DRD3: variants seen among roughly 807,000 people sequenced by gnomAD.
DRD3 encodes the protein D(3) dopamine receptor.
DRD3 carries 19 observed loss-of-function variants against 36.3 expected under a neutral mutation model. The observed-to-expected ratio is 0.52, with a 90% CI of 0.36 to 0.77. The LOEUF (loss-of-function observed/expected upper bound fraction) is 0.77. DRD3 is among the 30% of genes least tolerant of loss of function. The pLI, the probability that DRD3 is intolerant of heterozygous loss-of-function variation, is 0.00. For missense variants in DRD3, 465 were observed against 505.3 expected, an observed-to-expected ratio of 0.92 and a Z score of 0.77; for synonymous variants, 195 against 203.7, an observed-to-expected ratio of 0.96 and a Z score of 0.36.
chr3:114,153,885 T>A (rs1467018483), intron 3 of DRD3, among the ~76,000 whole-genome samples: 2 of 152,188 alleles, frequency 1.3e-5, no homozygotes, highest in African/African-American at 4.8e-5. Context: ...TTAGCAATAA[T>A]GAATGAAGAG....
intron 2 of DRD3, among the ~76,000 whole-genome samples, chr3:114,163,711 G>A (rs941180254): frequency 1.3e-5 from 2 of 152,118 alleles, no homozygotes; most frequent in East Asian, 1.9e-4. Context: ...TTGCTTGGGC[G>A]GGTGTATTGA....
upstream of DRD3, among the ~76,000 whole-genome samples, chr3:114,181,629 G>A (rs754920243): frequency 5.9e-5 from 9 of 152,150 alleles, no homozygotes. Context: ...TCAATAGCAT[G>A]GCTGGAACAT....
chr3:114,139,411 TA>T, intron 5 of DRD3, 88 bp downstream of exon 5: 1 of 1,321,224 alleles, frequency 7.6e-7, no homozygotes, highest in Non-Finnish European at 1.0e-6. Flanking sequence ...CCAATTTAGC[TA>T]AACGGCAAAA....
upstream of DRD3, among the ~76,000 whole-genome samples, chr3:114,180,081 C>A (rs2077938064): frequency 6.6e-6 from 1 of 152,052 alleles, no homozygotes; most frequent in Non-Finnish European, 1.5e-5. Flanking sequence ...CAACCTAATT[C>A]TCTTAACCAC....
At chr3:114,165,814 C>T (rs1407771879) in intron 2 of DRD3, among the ~76,000 whole-genome samples, 1 of 151,836 alleles carries the variant, frequency 6.6e-6, no homozygotes, top group African/African-American at 2.4e-5. Context: ...CTTCATTTCT[C>T]CATCTATGAA....
At chr3:114,188,368 C>T (rs959567549) in intron 1 of DRD3, among the ~76,000 whole-genome samples, 1 of 152,064 alleles carries the variant, frequency 6.6e-6, no homozygotes, top group East Asian at 1.9e-4. Flanking sequence ...TGTGCCACAA[C>T]ACCCAGCTAA....
At chr3:114,160,251 T>C (rs568821418) in intron 2 of DRD3, among the ~76,000 whole-genome samples, 15 of 152,200 alleles carry the variant, frequency 9.9e-5, no homozygotes, top group Non-Finnish European at 1.9e-4. Flanking sequence ...TTTTTAAATT[T>C]ATTTTATTTT....
At chr3:114,179,573 G>A (rs138197238), upstream of DRD3, among the ~76,000 whole-genome samples, 1 of 152,236 alleles carries the variant, frequency 6.6e-6, no homozygotes, top group East Asian at 1.9e-4. Context: ...ATGCAACCAA[G>A]GACAATATCA....
At position 114,145,532 on chromosome 3, in the gene DRD3, C is replaced by T. The variant is rs77814644; in HGVS notation, c.526+1883G>A. ...GTTGGCTAGTTACCCTTTACTGTGG[C>T]AGAGAAACAAGCCAGCCTTGAGTAG... On this transcript the variant is annotated intron_variant, in intron 4 of 6. Transcript: ENST00000383673. 5.9e-5 allele frequency among the ~76,000 whole-genome samples: 9 copies of T among 152,306 alleles called. No homozygotes were observed. In the East Asian group the frequency reaches 1.7e-3, roughly 29 times the overall value.
chr3:114,197,277 ATTTTTTTTTT>A (rs58452737), intron 1 of DRD3, among the ~76,000 whole-genome samples: 2 of 89,368 alleles, frequency 2.2e-5, no homozygotes, highest in Non-Finnish European at 4.1e-5. Context: ...AATTAAAAAA[ATTTTTTTTTT>A]TTTTTTTTTT....
chr3:114,137,835 C>A (rs1414555320), intron 5 of DRD3, among the ~76,000 whole-genome samples: 9 of 141,468 alleles, frequency 6.4e-5, no homozygotes, highest in Middle Eastern at 3.6e-3. Context: ...ACTAAAAATA[C>A]AAAAAAAAAA....
At chr3:114,166,593 G>A (rs940321101) in intron 2 of DRD3, among the ~76,000 whole-genome samples, 3 of 152,138 alleles carry the variant, frequency 2.0e-5, no homozygotes, top group Non-Finnish European at 4.4e-5. Context: ...AGACTTCCAA[G>A]CCTCCAGAAC....
Position 114,178,663 on chromosome 3 carries a change from A to T in DRD3, c.-42T>A, listed in dbSNP as rs2077924632. 6.6e-6 allele frequency: 1 copy of T among 151,994 alleles called. No individual in the cohort carries two copies. Among genetic ancestry groups the T allele is most frequent in the Non-Finnish European group, 1.5e-5 (1 of 67,976 alleles). The allele number at this position is 151,994 out of a possible 1,614,324, so 9.4% of individuals were successfully genotyped here. A position where few individuals can be genotyped will look rare whatever the true frequency, so the allele number is the denominator to read the frequency against. ...GAAAAGAAAAATTACTTACCCTAAA[A>T]TTTTCTTCTGATTTCTGGAGACCGA... On this transcript the variant is annotated 5_prime_UTR_variant, in exon 1 of 7. Transcript: ENST00000383673.
chr3:114,154,154 T>TC (rs2077643450), intron 3 of DRD3, among the ~76,000 whole-genome samples: 1 of 152,182 alleles, frequency 6.6e-6, no homozygotes, highest in African/African-American at 2.4e-5. Flanking sequence ...GCATTTCCAC[T>TC]TAAATGAGAT....
intron 3 of DRD3, among the ~76,000 whole-genome samples, chr3:114,156,026 T>G (rs1248797852): frequency 6.6e-6 from 1 of 152,238 alleles, no homozygotes; most frequent in Non-Finnish European, 1.5e-5. Flanking sequence ...ATTGAGAATT[T>G]ATCACATTGT....
chr3:114,163,257 G>A (rs1207212959), intron 2 of DRD3, among the ~76,000 whole-genome samples: 1 of 126,886 alleles, frequency 7.9e-6, no homozygotes, highest in African/African-American at 2.6e-5. Flanking sequence ...TAATTGGTGG[G>A]ACTTGTAATG....
At position 114,166,377 on chromosome 3, in the gene DRD3, T is replaced by A. The variant is rs560796346; in HGVS notation, c.270+5346A>T. On this transcript the variant is annotated intron_variant, in intron 2 of 6. Transcript: ENST00000383673. Reference sequence around the variant, plus strand: ...CATGTGTTGGAAACTCAATCCCCAGTGCAACAGTGTTGGGAGATGGGGTCT... The same window carrying A: ...CATGTGTTGGAAACTCAATCCCCAGAGCAACAGTGTTGGGAGATGGGGTCT... Among the ~76,000 whole-genome samples, 10 of 152,336 alleles carry A rather than the reference T, an allele frequency of 6.6e-5. No homozygotes were observed. In the East Asian group the frequency reaches 1.9e-3, roughly 29 times the overall value.
At chr3:114,149,726 C>A (rs191772726) in intron 3 of DRD3, among the ~76,000 whole-genome samples, 1 of 152,340 alleles carries the variant, frequency 6.6e-6, no homozygotes, top group Non-Finnish European at 1.5e-5. Context: ...AAGGAGCAAA[C>A]TGCTATGTTT....
intron 2 of DRD3, among the ~76,000 whole-genome samples, chr3:114,164,220 C>CAAAGAAA (rs2077760729): frequency 5.6e-5 from 1 of 17,776 alleles, no homozygotes; most frequent in Non-Finnish European, 1.4e-4. Flanking sequence ...GCCTCAGTCT[C>CAAAGAAA]AAAAAAAAAA....
Sources: allele counts gnomAD v4.1 joint callset (sites outside exome capture counted in the v4.1 genomes callset), GRCh38; gene constraint gnomAD v4.1.1; transcripts MANE v1.5; gene names NCBI Gene and HGNC (gene_info 2026-07-23, HGNC 2026-07-21).